The following RUNDC1 variants were observed in gnomAD, a reference collection of about 807,000 sequenced individuals.
The protein encoded by RUNDC1 is RUN domain-containing protein 1.
Under a neutral mutation model 49.3 loss-of-function variants are expected in RUNDC1, and 31 were observed. The ratio of observed to expected loss-of-function variants is 0.63; its 90% CI spans 0.47 to 0.85. The LOEUF is 0.85. RUNDC1 is among the 40% of genes least tolerant of loss of function. RUNDC1 has a pLI of 0.00. For missense variants in RUNDC1, 715 were observed against 806.7 expected, an observed-to-expected ratio of 0.89 and a Z score of 1.38; for synonymous variants, 347 against 348.6, an observed-to-expected ratio of 1.00 and a Z score of 0.05.
intron 1 of RUNDC1, among the ~76,000 whole-genome samples, chr17:42,985,370 C>G (rs2050157438): frequency 6.6e-6 from 1 of 152,118 alleles, no homozygotes; most frequent in Non-Finnish European, 1.5e-5. Context: ...GAAGTGTGAA[C>G]AACCTCTAGA....
intron 1 of RUNDC1, among the ~76,000 whole-genome samples, chr17:42,984,584 A>G (rs1007151534): frequency 7.2e-5 from 11 of 152,110 alleles, no homozygotes; most frequent in African/African-American, 2.7e-4. Context: ...TCATACTGGA[A>G]ATGATTTATG....
chr17:42,990,763 C>T lies in RUNDC1; in HGVS notation c.977-88C>T, dbSNP rs1779784731. 2.0e-6 allele frequency: 3 copies of T among 1,475,678 alleles called. No individual in the cohort carries two copies. In the South Asian group the frequency reaches 4.0e-5, roughly 20 times the overall value. 91.4% of individuals were successfully genotyped at this position (1,475,678 alleles called of 1,614,324 possible). A position where few individuals can be genotyped will look rare whatever the true frequency, so the allele number is the denominator to read the frequency against. ...CCTTCATGTGAGACCCAGCATGTGG[C>T]TCAGACTGATCTCAGCCTGTGATTT... On this transcript the variant is annotated intron_variant, in intron 4 of 4. Transcript: ENST00000361677.
At position 42,990,912 on chromosome 17, in the gene RUNDC1, G is replaced by A; in HGVS notation, c.1038G>A (p.Leu346=). ...ETGLHLMRRA[L]AVLQIFAVSQ... Reference sequence around the variant, plus strand: ...GGCTGCACCTGATGCGGCGAGCGCTGGCCGTGCTCCAGATCTTTGCTGTTA... The same window carrying A: ...GGCTGCACCTGATGCGGCGAGCGCTAGCCGTGCTCCAGATCTTTGCTGTTA... The change falls in exon 5 of 5, where the codon CTG becomes CTA. Residue 346 remains leucine, a synonymous_variant. Transcript: ENST00000361677. The A allele has an allele frequency of 6.2e-7, 1 of 1,611,196 alleles. No homozygotes were observed. Among genetic ancestry groups the A allele is most frequent in the South Asian group, 1.1e-5 (1 of 91,054 alleles).
chr17:42,980,937 C>G lies in RUNDC1; in HGVS notation c.361C>G (p.Arg121Gly), dbSNP rs550864158. Residue 121 changes from arginine (R) to glycine (G), a missense_variant, in exon 1 of 5, where the codon CGC (arginine) becomes GGC (glycine). This residue lies in a region of RUNDC1 where 113 missense variants were observed against 93.4 expected (regional missense o/e 1.21). Transcript: ENST00000361677. ...VVRGAPAEQQRLLRELEDFAF... is the reference protein window; with the variant it reads ...VVRGAPAEQQGLLRELEDFAF... ...GCGCGGGGCGCCGGCGGAGCAGCAGCGCCTTCTGCGGGAGCTCGAAGACTT... is the reference window on the plus strand; with the variant it reads ...GCGCGGGGCGCCGGCGGAGCAGCAGGGCCTTCTGCGGGAGCTCGAAGACTT... 6.5e-7 allele frequency: 1 copy of G among 1,538,196 alleles called. No individual in the cohort carries two copies. Among genetic ancestry groups the G allele is most frequent in the Non-Finnish European group, 8.7e-7 (1 of 1,148,718 alleles).
intron 2 of RUNDC1, among the ~76,000 whole-genome samples, chr17:42,987,773 G>C (rs2050189749): frequency 6.6e-6 from 1 of 152,012 alleles, no homozygotes; most frequent in Non-Finnish European, 1.5e-5. Flanking sequence ...TGTTTTTGAG[G>C]TGGAGTTTTG....
chr17:42,990,762 G>T, intron 4 of RUNDC1, 89 bp from the exon 5 acceptor site: 1 of 1,462,498 alleles, frequency 6.8e-7, no homozygotes, highest in South Asian at 1.3e-5. Context: ...CCAGCATGTG[G>T]CTCAGACTGA....
intron 3 of RUNDC1, among the ~76,000 whole-genome samples, chr17:42,990,115 T>C (rs564163849): frequency 6.6e-6 from 1 of 152,336 alleles, no homozygotes; most frequent in East Asian, 1.9e-4. Context: ...TTGTCATCCA[T>C]AAAATGATGA....
chr17:42,984,750 C>T (rs1284898819), intron 1 of RUNDC1, among the ~76,000 whole-genome samples: 2 of 134,998 alleles, frequency 1.5e-5, no homozygotes, highest in African/African-American at 2.7e-5. Context: ...TCTTCCCTGA[C>T]ATAAAGTTGG....
intron 4 of RUNDC1, among the ~76,000 whole-genome samples, 153 bp downstream of exon 4, chr17:42,990,589 T>G (rs1345479507): frequency 3.9e-5 from 6 of 152,214 alleles, no homozygotes; most frequent in Non-Finnish European, 8.8e-5. Context: ...TAAAATTGAT[T>G]GCAGTGACAG....
In RUNDC1 at chr17:42,987,275, A is replaced by G; in HGVS notation, c.518A>G (p.Glu173Gly). The change falls in exon 2 of 5, where the codon GAG (glutamate) becomes GGG (glycine). Residue 173 changes from glutamate (E) to glycine (G), a missense_variant. This residue lies in a region of RUNDC1 where 113 missense variants were observed against 93.4 expected (regional missense o/e 1.21). Coordinates refer to ENST00000361677, the MANE Select transcript of RUNDC1 (RefSeq NM_173079.5). ...GEDQSEQEKQ[E>G]RLETQREKQK... ...CCTTAGAGTGAGCAGGAAAAGCAAG[A>G]GCGTCTGGAAACCCAAAGGGAGAAG... The G allele has an allele frequency of 6.2e-7, 1 of 1,614,106 alleles. No homozygotes were observed. Among genetic ancestry groups the G allele is most frequent in the Non-Finnish European group, 8.5e-7 (1 of 1,179,994 alleles).
Position 42,991,811 on chromosome 17 carries a change from A to G in RUNDC1, c.*95A>G. 2 of 1,387,140 alleles carry G rather than the reference A, an allele frequency of 1.4e-6. No homozygotes were observed. 85.9% of individuals were successfully genotyped at this position (1,387,140 alleles called of 1,614,324 possible). A position where few individuals can be genotyped will look rare whatever the true frequency, so the allele number is the denominator to read the frequency against. On this transcript the variant is annotated 3_prime_UTR_variant, in exon 5 of 5. Coordinates refer to ENST00000361677, the MANE Select transcript of RUNDC1 (RefSeq NM_173079.5). ...AGCAAGGAATCAGAGGTGGGGTTAA[A>G]GGCATTTTTCCCAGACCCTGCTCAG...
At chr17:42,981,262 C>A in intron 1 of RUNDC1, 188 bp downstream of exon 1, 1 of 700,380 alleles carries the variant, frequency 1.4e-6, no homozygotes, top group Non-Finnish European at 2.3e-6. Context: ...GCCTGGGAAC[C>A]TGAGGGTGAG....
rs566035596 is a variant in RUNDC1 at position 42,993,958 on chromosome 17, C to G, written c.*2242C>G. Among the ~76,000 whole-genome samples, 7 of 152,270 alleles carry G rather than the reference C, an allele frequency of 4.6e-5. No homozygotes were observed. Among genetic ancestry groups the G allele is most frequent in the Admixed American group, 1.3e-4 (2 of 15,286 alleles). On this transcript the variant is annotated 3_prime_UTR_variant, in exon 5 of 5. Transcript: ENST00000361677. ...CACTGCAACCTCCGCCTCCTGGGTT[C>G]AAGCGATTCTCCTTCCTTAGCCTTC...
Position 42,991,975 on chromosome 17 carries a change from G to A in RUNDC1, c.*259G>A. 2.4e-6 allele frequency: 1 copy of A among 423,264 alleles called. No homozygotes were observed. Among genetic ancestry groups the A allele is most frequent in the Non-Finnish European group, 4.4e-6 (1 of 229,498 alleles). 26.2% of individuals were successfully genotyped at this position (423,264 alleles called of 1,614,324 possible). On this transcript the variant is annotated 3_prime_UTR_variant, in exon 5 of 5. Transcript: ENST00000361677. ...CACACCTGTAATCCCAGCACTTTGG[G>A]AGGCCGAGGCGGGCGGATCACAAGG...
chr17:42,991,582 C>T lies in RUNDC1; in HGVS notation c.1708C>T (p.Gln570Ter), dbSNP rs1175742781. Reference sequence around the variant, plus strand: ...CGGGTCACTCATCGAGCCTCACTACCAGCCCTGGAGCTACATGGCACACAC... The same window carrying T: ...CGGGTCACTCATCGAGCCTCACTACTAGCCCTGGAGCTACATGGCACACAC... ...KSGSLIEPHY[Q>*]PWSYMAHTGF... Residue 570 changes from glutamine to a stop codon, truncating the protein, a stop_gained, in exon 5 of 5, where the codon CAG becomes TAG. Coordinates refer to ENST00000361677, the MANE Select transcript of RUNDC1 (RefSeq NM_173079.5). LOFTEE classifies it high-confidence loss of function. 1.2e-6 allele frequency: 2 copies of T among 1,614,190 alleles called. No individual in the cohort carries two copies. The highest frequency in any genetic ancestry group is 4.5e-5 in the East Asian group (2 of 44,890).
intron 1 of RUNDC1, among the ~76,000 whole-genome samples, chr17:42,984,718 C>A (rs1205624659): frequency 2.0e-5 from 3 of 152,002 alleles, no homozygotes; most frequent in Non-Finnish European, 2.9e-5. Context: ...AAAATGGAAT[C>A]AAAATTTATG....
Position 42,990,993 on chromosome 17 carries a change from G to A in RUNDC1, c.1119G>A (p.Gln373=). 2 of 1,614,196 alleles carry A rather than the reference G, an allele frequency of 1.2e-6. No individual in the cohort carries two copies. Among genetic ancestry groups the A allele is most frequent in the South Asian group, 2.2e-5 (2 of 91,090 alleles). The change falls in exon 5 of 5, where the codon CAG becomes CAA. Residue 373 remains glutamine (Q), a synonymous_variant. Transcript: ENST00000361677. ...CTCCAACCCTGTGGCAGAGGGTCCAGGCTGACAGAGACTACTCTCCCTTGC... is the reference window on the plus strand; with the variant it reads ...CTCCAACCCTGTGGCAGAGGGTCCAAGCTGACAGAGACTACTCTCCCTTGC... ...QIPPTLWQRV[Q]ADRDYSPLLK...
intron 1 of RUNDC1, among the ~76,000 whole-genome samples, chr17:42,983,181 C>CAA: frequency 1.2e-5 from 1 of 83,064 alleles, no homozygotes. Context: ...GACCCTGTCT[C>CAA]AAAAAAAAAA....
rs1043060947 is a variant in RUNDC1 at position 42,980,772 on chromosome 17, G to A, written c.196G>A (p.Gly66Ser). 2.0e-6 allele frequency: 3 copies of A among 1,478,814 alleles called. No homozygotes were observed. The highest frequency in any genetic ancestry group is 2.9e-5 in the African/African-American group (2 of 67,870). The allele number at this position is 1,478,814 out of a possible 1,614,324, so 91.6% of individuals were successfully genotyped here. The change falls in exon 1 of 5, where the codon GGC becomes AGC. Residue 66 changes from glycine (G) to serine (S), a missense_variant. Gly to Ser is a moderately conservative substitution (Grantham distance 56). Around this residue, in one of 5 missense-constraint regions of RUNDC1, gnomAD observed 153 missense variants for 139.4 expected, o/e 1.10. Transcript: ENST00000361677. The stretch of plus-strand genomic sequence containing the variant: ...AGAAGAGGCGACGGCCGAGGAGCCT[G>A]GCGCGGCCCCGGGCTCCCCGCCGGA... ...FLEEATAEEP[G>S]AAPGSPPDSP...
Sources: gnomAD v4.1 joint callset for allele counts (sites outside exome capture counted in the v4.1 genomes callset) on GRCh38, gnomAD v4.1.1 for gene constraint, gnomAD v4.1.1 regional missense constraint, MANE v1.5 for transcripts, NCBI Gene and HGNC (gene_info 2026-07-23, HGNC 2026-07-21) for gene names.